The following BCL2 variants were observed in gnomAD, a reference collection of about 807,000 sequenced individuals.
The protein encoded by BCL2 is apoptosis regulator Bcl-2.
BCL2 carries 1 observed loss-of-function variant against 14.2 expected under a neutral mutation model. That is an observed-to-expected ratio of 0.07 (90% confidence interval 0.02 to 0.33). The LOEUF is 0.33. Among genes scored for constraint, BCL2 ranks in the 10% least tolerant of loss-of-function variants. BCL2 has a pLI of 0.99. For synonymous variants in BCL2, 151 were observed against 137.2 expected, an observed-to-expected ratio of 1.10 and a Z score of -0.70; for missense variants, 247 against 305.9, an observed-to-expected ratio of 0.81 and a Z score of 1.44.
At chr18:63,212,495 G>T (rs1222791979) in intron 2 of BCL2, among the ~76,000 whole-genome samples, 1 of 151,772 alleles carries the variant, frequency 6.6e-6, no homozygotes, top group African/African-American at 2.4e-5. Context: ...AAAACCAAGG[G>T]TAGAGAGTGA....
chr18:63,306,023 C>T lies in BCL2; in HGVS notation c.585+12059G>A, dbSNP rs1015909629. Among the ~76,000 whole-genome samples, 5 of 152,036 alleles carry T rather than the reference C, an allele frequency of 3.3e-5. No homozygotes were observed. In the South Asian group the frequency reaches 6.2e-4, roughly 19 times the overall value. Reference sequence around the variant, plus strand: ...CCCGGAGTTCGAGGCAGCAGTGAACCGATATGGTGCCACTGCACTCCAGCC... The same window carrying T: ...CCCGGAGTTCGAGGCAGCAGTGAACTGATATGGTGCCACTGCACTCCAGCC... On this transcript the variant is annotated intron_variant, in intron 2 of 2. Coordinates refer to ENST00000333681, the MANE Select transcript of BCL2 (RefSeq NM_000633.3).
intron 2 of BCL2, among the ~76,000 whole-genome samples, chr18:63,140,627 G>T (rs1914330431): frequency 6.6e-6 from 1 of 152,230 alleles, no homozygotes; most frequent in African/African-American, 2.4e-5. Context: ...GTGGATTAGA[G>T]GTTCCCAGGA....
At chr18:63,221,820 G>A (rs1327517108) in intron 2 of BCL2, among the ~76,000 whole-genome samples, 2 of 152,214 alleles carry the variant, frequency 1.3e-5, no homozygotes, top group Non-Finnish European at 2.9e-5. Context: ...ACTTTCAGTT[G>A]TAAGATCGGA....
At chr18:63,199,360 GAC>G (rs1909618308) in intron 2 of BCL2, among the ~76,000 whole-genome samples, 2 of 144,020 alleles carry the variant, frequency 1.4e-5, no homozygotes, top group African/African-American at 5.2e-5. Context: ...CAGACACAGA[GAC>G]ACACACAACA....
At chr18:63,169,092 GC>G (rs1382324966) in intron 2 of BCL2, among the ~76,000 whole-genome samples, 1 of 152,156 alleles carries the variant, frequency 6.6e-6, no homozygotes. Context: ...TCTAACATGG[GC>G]TTCCCAGCAC....
At chr18:63,169,389 T>TTCTTTCTCTTTC (rs1218834455) in intron 2 of BCL2, among the ~76,000 whole-genome samples, 1 of 40,796 alleles carries the variant, frequency 2.5e-5, no homozygotes, top group African/African-American at 1.1e-4. Flanking sequence ...CTTTCTTTCT[T>TTCTTTCTCTTTC]TTTCTTTCTT....
At chr18:63,249,478 G>A (rs1373987999) in intron 2 of BCL2, among the ~76,000 whole-genome samples, 1 of 152,094 alleles carries the variant, frequency 6.6e-6, no homozygotes, top group Non-Finnish European at 1.5e-5. Context: ...AGGCCGAGGT[G>A]GGTGGATCAC....
At chr18:63,302,574 T>C (rs992302736) in intron 2 of BCL2, 6 of 985,158 alleles carry the variant, frequency 6.1e-6, no homozygotes, top group East Asian at 1.1e-4. Context: ...ATGTGCTTTA[T>C]TAAACAAACC....
At chr18:63,188,905 T>A (rs1008410978) in intron 2 of BCL2, among the ~76,000 whole-genome samples, 2 of 151,878 alleles carry the variant, frequency 1.3e-5, no homozygotes, top group East Asian at 1.9e-4. Flanking sequence ...TGAGTTCATA[T>A]GTATCCATCA....
At chr18:63,226,540 A>G (rs1910553217) in intron 2 of BCL2, among the ~76,000 whole-genome samples, 2 of 152,256 alleles carry the variant, frequency 1.3e-5, no homozygotes, top group Admixed American at 6.5e-5. Flanking sequence ...GCTATTTTTA[A>G]AAATGAATTA....
intron 2 of BCL2, chr18:63,302,927 C>T (rs182184424): frequency 8.0e-5 from 78 of 969,128 alleles, no homozygotes; most frequent in Non-Finnish European, 9.3e-5. Flanking sequence ...ATGGAAATAA[C>T]TCTCCCTTGA....
chr18:63,252,067 T>G (rs932847946), intron 2 of BCL2, among the ~76,000 whole-genome samples: 2 of 152,230 alleles, frequency 1.3e-5, no homozygotes, highest in African/African-American at 4.8e-5. Flanking sequence ...ACTTTAGCAT[T>G]AAAGTATGCA....
At position 63,128,152 on chromosome 18, in the gene BCL2, T is replaced by G. The variant is rs1257339309; in HGVS notation, c.*473A>C. ...AAGAAATGCAAGTGAATGAACACCT[T>G]CTCCCCAGCCTCCAGCAGCCAGAAA... On this transcript the variant is annotated 3_prime_UTR_variant, in exon 3 of 3. Transcript: ENST00000333681. 4.3e-6 allele frequency: 1 copy of G among 231,662 alleles called. No individual in the cohort carries two copies. Among genetic ancestry groups the G allele is most frequent in the African/African-American group, 2.2e-5 (1 of 45,164 alleles). The allele number at this position is 231,662 out of a possible 1,614,324, so 14.4% of individuals were successfully genotyped here.
At chr18:63,282,157 T>G (rs1455461658) in intron 2 of BCL2, among the ~76,000 whole-genome samples, 1 of 152,208 alleles carries the variant, frequency 6.6e-6, no homozygotes, top group Non-Finnish European at 1.5e-5. Flanking sequence ...TATAGTTAAT[T>G]AAAAGGGCAT....
chr18:63,191,667 C>G (rs1909294614), intron 2 of BCL2, among the ~76,000 whole-genome samples: 1 of 152,162 alleles, frequency 6.6e-6, no homozygotes, highest in Non-Finnish European at 1.5e-5. Flanking sequence ...GTTAAGCCAG[C>G]CTTGGAGTTC....
chr18:63,242,442 C>T (rs1339465557), intron 2 of BCL2, among the ~76,000 whole-genome samples: 1 of 152,198 alleles, frequency 6.6e-6, no homozygotes, highest in Non-Finnish European at 1.5e-5. Context: ...CCATTGTGTG[C>T]CAGTGTTGGA....
chr18:63,245,592 G>A (rs1911130767), intron 2 of BCL2, among the ~76,000 whole-genome samples: 1 of 152,160 alleles, frequency 6.6e-6, no homozygotes, highest in Non-Finnish European at 1.5e-5. Context: ...ATCTAGACAT[G>A]GGGTGAGATA....
At chr18:63,197,157 G>A (rs1909467257) in intron 2 of BCL2, among the ~76,000 whole-genome samples, 1 of 152,200 alleles carries the variant, frequency 6.6e-6, no homozygotes, top group Non-Finnish European at 1.5e-5. Flanking sequence ...AAACACACAT[G>A]GGTGGAAATC....
intron 2 of BCL2, among the ~76,000 whole-genome samples, chr18:63,253,497 C>A (rs371017710): frequency 6.6e-6 from 1 of 152,164 alleles, no homozygotes; most frequent in South Asian, 2.1e-4. Context: ...GCCCAATCAC[C>A]GCAGAGACTT....
Sources: gnomAD v4.1 joint callset for allele counts (sites outside exome capture counted in the v4.1 genomes callset) on GRCh38, gnomAD v4.1.1 for gene constraint, MANE v1.5 for transcripts, NCBI Gene and HGNC (gene_info 2026-07-23, HGNC 2026-07-21) for gene names.